Variants in GNAL observed in about 807,000 individuals in gnomAD.
GNAL encodes guanine nucleotide-binding protein G(olf) subunit alpha.
Under a neutral mutation model 55.1 loss-of-function variants are expected in GNAL, and 18 were observed. The observed-to-expected ratio is 0.33, with a 90% CI of 0.23 to 0.48. The LOEUF is 0.48. Among genes scored for constraint, GNAL ranks in the 20% least tolerant of loss-of-function variants. The pLI, the probability that GNAL is intolerant of heterozygous loss-of-function variation, is 0.99. For synonymous variants in GNAL, 253 were observed against 237.0 expected (o/e 1.07, Z -0.62); for missense variants, 412 against 614.1 (o/e 0.67, Z 3.48).
chr18:11,778,785 G>A (rs1221645993), intron 4 of GNAL, among the ~76,000 whole-genome samples: 1 of 151,806 alleles, frequency 6.6e-6, no homozygotes, highest in Non-Finnish European at 1.5e-5. Flanking sequence ...TTTATAGATA[G>A]TAACCTTATC....
intron 1 of GNAL, among the ~76,000 whole-genome samples, chr18:11,694,777 C>CA (rs2031357455): frequency 6.6e-6 from 1 of 152,154 alleles, no homozygotes. Flanking sequence ...CAAAAACAGA[C>CA]GTTTATTTTC....
chr18:11,857,712 T>A (rs910519488), intron 5 of GNAL: 27 of 985,294 alleles, frequency 2.7e-5, no homozygotes, highest in Non-Finnish European at 3.1e-5. Flanking sequence ...GCTGCGAGTC[T>A]GGGAACCCCT....
Position 11,860,073 on chromosome 18 carries a change from G to C in GNAL, c.723-2322G>C, listed in dbSNP as rs551970036. 6.6e-5 allele frequency among the ~76,000 whole-genome samples: 10 copies of C among 152,284 alleles called. 1 individual carries two copies. In the East Asian group the frequency reaches 1.9e-3, roughly 29 times the overall value. ...AACATTCTTTAATGACTGCACACCA[G>C]ACAATGCAGTCACAGACACCACTCC... On this transcript the variant is annotated intron_variant, in intron 5 of 11. Coordinates refer to ENST00000334049, the MANE Select transcript of GNAL (RefSeq NM_182978.4).
rs9966826 is a variant in GNAL, at chr18:11,846,071, A to G, written c.723-16324A>G. On this transcript the variant is annotated intron_variant, in intron 5 of 11. Coordinates refer to ENST00000334049, the MANE Select transcript of GNAL (RefSeq NM_182978.4). The stretch of plus-strand genomic sequence containing the variant: ...CATAGGCCTTATTTTTTCCAGCTTT[A>G]TAAATGAGGAAATTGAGGCCAGAAA... Among the ~76,000 whole-genome samples, 1,151 of 152,120 alleles carry G rather than the reference A, an allele frequency of 7.6e-3. 18 individuals carry two copies. The highest frequency in any genetic ancestry group is 0.025 in the African/African-American group (1,057 of 41,502).
chr18:11,706,485 TAAGACAGCAATG>T (rs2031716662), intron 1 of GNAL, among the ~76,000 whole-genome samples: 1 of 152,124 alleles, frequency 6.6e-6, no homozygotes, highest in Non-Finnish European at 1.5e-5. Context: ...TTTCTTAGAG[TAAGACAGCAATG>T]AAGTTGATCA....
chr18:11,823,299 A>C lies in GNAL; in HGVS notation c.625-1619A>C, dbSNP rs554198794. 2.0e-5 allele frequency among the ~76,000 whole-genome samples: 3 copies of C among 152,258 alleles called. No homozygotes were observed. The East Asian group carries it at 5.8e-4, about 29-fold the overall frequency. On this transcript the variant is annotated intron_variant, in intron 4 of 11. Transcript: ENST00000334049. ...CATAAACCTAGGGAGACAAGATGAA[A>C]ACTGAGAGCTTTAGCCACCCCCTTC...
At chr18:11,872,596 C>T (rs919502110) in intron 10 of GNAL, among the ~76,000 whole-genome samples, 198 bp downstream of exon 10, 6 of 152,116 alleles carry the variant, frequency 3.9e-5, no homozygotes, top group Non-Finnish European at 8.8e-5. Context: ...GTAAATGTTT[C>T]CGAGTTTGAC....
At chr18:11,862,936 T>C (rs1306982398) in intron 6 of GNAL, among the ~76,000 whole-genome samples, 1 of 151,344 alleles carries the variant, frequency 6.6e-6, no homozygotes, top group Non-Finnish European at 1.5e-5. Context: ...TGGAGTGCTA[T>C]GTTGCAATCT....
intron 4 of GNAL, among the ~76,000 whole-genome samples, chr18:11,821,715 G>A (rs1184313484): frequency 1.3e-5 from 2 of 152,232 alleles, no homozygotes; most frequent in Non-Finnish European, 2.9e-5. Context: ...GGGGAGCTGC[G>A]GGGGTGCACT....
At chr18:11,833,593 T>A (rs1400543206) in intron 5 of GNAL, 2 of 152,178 alleles carry the variant, frequency 1.3e-5, no homozygotes, top group African/African-American at 4.8e-5. Flanking sequence ...TTAAAATATC[T>A]CAGAAAATCT....
intron 1 of GNAL, among the ~76,000 whole-genome samples, chr18:11,693,832 C>A (rs2031327959): frequency 7.0e-6 from 1 of 142,210 alleles, no homozygotes. Context: ...GCCTGGGCAA[C>A]ATAGTAAGAC....
chr18:11,865,122 C>T (rs1213432620), intron 7 of GNAL, among the ~76,000 whole-genome samples: 1 of 139,830 alleles, frequency 7.2e-6, no homozygotes, highest in African/African-American at 3.4e-5. Context: ...CGGCACAGCC[C>T]TGGCTTGTCT....
rs568108506 is a variant in GNAL at position 11,799,895 on chromosome 18, C to T, written c.625-25023C>T. Among the ~76,000 whole-genome samples the T allele has an allele frequency of 2.6e-5, 4 of 152,144 alleles. No individual in the cohort carries two copies. In the South Asian group the frequency reaches 8.3e-4, roughly 32 times the overall value. On this transcript the variant is annotated intron_variant, in intron 4 of 11. Transcript: ENST00000334049. Reference sequence around the variant, plus strand: ...TGGTGCTCCCTGAGGCCTTCTCTCTCCCTCTCTCTCGCCCCTCACTCTTCA... The same window carrying T: ...TGGTGCTCCCTGAGGCCTTCTCTCTTCCTCTCTCTCGCCCCTCACTCTTCA...
At chr18:11,857,251 A>C (rs2036029010) in intron 5 of GNAL, 2 of 152,652 alleles carry the variant, frequency 1.3e-5, no homozygotes, top group East Asian at 3.8e-4. Flanking sequence ...ATGCTCACCA[A>C]ATTGTGAAAC....
intron 4 of GNAL, chr18:11,810,282 T>G (rs2034777222): frequency 3.9e-5 from 6 of 152,276 alleles, no homozygotes; most frequent in Admixed American, 3.9e-4. Flanking sequence ...TGGTCCCAGC[T>G]ACTCAGGAGG....
At chr18:11,719,865 CAAGACATTTATAGCAG>C (rs1262172235) in intron 1 of GNAL, among the ~76,000 whole-genome samples, 1 of 152,222 alleles carries the variant, frequency 6.6e-6, no homozygotes, top group Non-Finnish European at 1.5e-5. Flanking sequence ...GTGGCAACAT[CAAGACATTTATAGCAG>C]CATGTGTGTG....
intron 10 of GNAL, among the ~76,000 whole-genome samples, chr18:11,873,750 G>A (rs1434584293): frequency 6.6e-6 from 1 of 152,242 alleles, no homozygotes; most frequent in East Asian, 1.9e-4. Flanking sequence ...GCTTTCTGTG[G>A]CTGGCATTGC....
intron 5 of GNAL, among the ~76,000 whole-genome samples, chr18:11,858,904 C>G (rs1024021111): frequency 6.6e-6 from 1 of 152,194 alleles, no homozygotes; most frequent in African/African-American, 2.4e-5. Flanking sequence ...AGCCTCATCA[C>G]TGTCAGCATC....
chr18:11,693,206 A>G (rs916561430), intron 1 of GNAL, among the ~76,000 whole-genome samples: 3 of 152,212 alleles, frequency 2.0e-5, no homozygotes, highest in Non-Finnish European at 4.4e-5. Context: ...TTATTAGACT[A>G]TGAATCTGTG....
Sources: gnomAD v4.1 joint callset for allele counts (sites outside exome capture counted in the v4.1 genomes callset) on GRCh38, gnomAD v4.1.1 for gene constraint, MANE v1.5 for transcripts, NCBI Gene and HGNC (gene_info 2026-07-23, HGNC 2026-07-21) for gene names.